Variants in DMD observed in about 807,000 individuals in gnomAD.
DMD encodes mutant dystrophin.
Under a neutral mutation model 330.1 loss-of-function variants are expected in DMD, and 63 were observed. The ratio of observed to expected loss-of-function variants is 0.19; its 90% CI spans 0.16 to 0.24. The LOEUF is 0.24. DMD is among the 10% of genes least tolerant of loss of function. The pLI is 1.00. For synonymous variants in DMD, 1,223 were observed against 959.8 expected (o/e 1.27, Z -5.07); for missense variants, 3,344 against 2,684.1 (o/e 1.25, Z -5.43).
chrX:33,262,007 T>C (rs1034292937), intron 1 of DMD, among the ~76,000 whole-genome samples: 1 of 110,433 alleles, frequency 9.1e-6, no homozygotes, highest in African/African-American at 3.3e-5. Context: ...TATTCTCATA[T>C]AGATGTCTGA....
intron 44 of DMD, among the ~76,000 whole-genome samples, chrX:32,079,048 T>C (rs2096373258): frequency 8.9e-6 from 1 of 112,114 alleles, no homozygotes; most frequent in Non-Finnish European, 1.9e-5. Context: ...GTTCAGATGC[T>C]ATATAAACCC....
chrX:31,381,357 C>A (rs749952375), intron 60 of DMD, among the ~76,000 whole-genome samples: 1 of 111,800 alleles, frequency 8.9e-6, no homozygotes, highest in Non-Finnish European at 1.9e-5. Flanking sequence ...TGTCTGCGTG[C>A]GGCAGCCGCC....
intron 44 of DMD, among the ~76,000 whole-genome samples, chrX:32,104,066 C>A (rs2096552833): frequency 9.0e-6 from 1 of 110,741 alleles, no homozygotes. Flanking sequence ...GTGGGATGGA[C>A]AACAACTGAG....
chrX:32,568,893 C>A (rs949188494), intron 15 of DMD, among the ~76,000 whole-genome samples: 1 of 111,977 alleles, frequency 8.9e-6, no homozygotes, highest in Non-Finnish European at 1.9e-5. Flanking sequence ...TTAGGTCTTA[C>A]ATGTGCATAT....
At chrX:31,666,695 C>T (rs919208143) in intron 53 of DMD, among the ~76,000 whole-genome samples, 2 of 111,752 alleles carry the variant, frequency 1.8e-5, no homozygotes, top group South Asian at 3.7e-4. Flanking sequence ...ACAACAATAT[C>T]CCTGTTTTTC....
chrX:32,100,798 C>T (rs2096536480), intron 44 of DMD, among the ~76,000 whole-genome samples: 1 of 111,741 alleles, frequency 8.9e-6, no homozygotes, highest in Admixed American at 9.6e-5. Flanking sequence ...TCATCTCCTT[C>T]TAAGCATTCT....
At chrX:32,359,365 A>G (rs2097821736) in intron 37 of DMD, among the ~76,000 whole-genome samples, 1 of 111,894 alleles carries the variant, frequency 8.9e-6, no homozygotes, top group South Asian at 3.7e-4. Context: ...TTATGTTCTA[A>G]AGGCTATACT....
At chrX:32,574,812 T>C (rs1361343137) in intron 13 of DMD, among the ~76,000 whole-genome samples, 1 of 111,704 alleles carries the variant, frequency 9.0e-6, no homozygotes, top group Non-Finnish European at 1.9e-5. Flanking sequence ...TACTTTATAC[T>C]ACATATGTGT....
intron 1 of DMD, among the ~76,000 whole-genome samples, chrX:33,284,266 TAA>T (rs1569559522): frequency 9.0e-6 from 1 of 111,157 alleles, no homozygotes; most frequent in Non-Finnish European, 1.9e-5. Flanking sequence ...TGTCTATTAA[TAA>T]GACATCTAAA....
At position 32,666,786 on chromosome X, in the gene DMD, C is replaced by A. The variant is rs1157093225; in HGVS notation, c.961-21634G>T. Among the ~76,000 whole-genome samples, 34 of 102,187 alleles carry A rather than the reference C, an allele frequency of 3.3e-4. 1 individual carries two copies. The Admixed American group carries it at 3.5e-3, about 10-fold the overall frequency. 88.7% of individuals were successfully genotyped at this position (102,187 alleles called of 115,157 possible). On this transcript the variant is annotated intron_variant, in intron 9 of 78. Transcript: ENST00000357033. The stretch of plus-strand genomic sequence containing the variant: ...GGGGTGCAGTGAGCTGAAATTGGGT[C>A]AATGAACTCTAACCTGGGCAACAGA...
intron 47 of DMD, among the ~76,000 whole-genome samples, chrX:31,900,517 G>C (rs1406451298): frequency 1.8e-5 from 2 of 111,501 alleles, no homozygotes; most frequent in African/African-American, 6.5e-5. Context: ...GGAACCGTAA[G>C]TCCATTAAAC....
At chrX:32,825,565 T>G (rs2045627654) in intron 4 of DMD, among the ~76,000 whole-genome samples, 1 of 112,191 alleles carries the variant, frequency 8.9e-6, no homozygotes, top group Admixed American at 9.5e-5. Flanking sequence ...AAGATATTGG[T>G]AGACCAATTA....
At chrX:33,042,531 A>G (rs1042274715) in intron 1 of DMD, among the ~76,000 whole-genome samples, 1 of 112,129 alleles carries the variant, frequency 8.9e-6, no homozygotes, top group Non-Finnish European at 1.9e-5. Flanking sequence ...TGTTCAGGAA[A>G]GAAAAAACAA....
chrX:31,466,679 T>A (rs1010765509), intron 59 of DMD, among the ~76,000 whole-genome samples: 54 of 111,723 alleles, frequency 4.8e-4, no homozygotes, highest in Admixed American at 7.6e-4. Context: ...TTTAAAGTAG[T>A]TTTTCTAATT....
At chrX:31,416,232 T>C (rs1420826662) in intron 60 of DMD, among the ~76,000 whole-genome samples, 1 of 112,129 alleles carries the variant, frequency 8.9e-6, no homozygotes, top group Non-Finnish European at 1.9e-5. Context: ...TACTACTATA[T>C]ATCTCTGTGA....
chrX:32,217,279 T>C (rs1017185062), intron 43 of DMD, among the ~76,000 whole-genome samples: 3 of 111,598 alleles, frequency 2.7e-5, no homozygotes, highest in Non-Finnish European at 5.7e-5. Flanking sequence ...TAAAAGCTGA[T>C]TTTAAATGGA....
chrX:33,296,235 C>A (rs2053582049), intron 1 of DMD, among the ~76,000 whole-genome samples: 1 of 110,570 alleles, frequency 9.0e-6, no homozygotes, highest in Non-Finnish European at 1.9e-5. Flanking sequence ...TAAAGTAATC[C>A]ATTGTGGTGA....
intron 49 of DMD, among the ~76,000 whole-genome samples, chrX:31,827,225 A>T (rs1281787659): frequency 8.9e-6 from 1 of 112,076 alleles, no homozygotes; most frequent in Non-Finnish European, 1.9e-5. Flanking sequence ...GGACGGAAAA[A>T]GATACTCCAT....
intron 44 of DMD, among the ~76,000 whole-genome samples, chrX:32,214,036 C>T (rs767919775): frequency 9.0e-6 from 1 of 110,504 alleles, no homozygotes; most frequent in East Asian, 2.8e-4. Flanking sequence ...TCAACTAAAC[C>T]ACACTGTCAA....
Sources: allele counts gnomAD v4.1 joint callset (sites outside exome capture counted in the v4.1 genomes callset), GRCh38; gene constraint gnomAD v4.1.1; transcripts MANE v1.5; gene names NCBI Gene and HGNC (gene_info 2026-07-23, HGNC 2026-07-21).